Variants in CHKA observed in about 807,000 individuals in gnomAD.
The protein encoded by CHKA is choline kinase alpha.
Under a neutral mutation model 60.1 loss-of-function variants are expected in CHKA, and 34 were observed. The ratio of observed to expected loss-of-function variants is 0.57; its 90% confidence interval spans 0.43 to 0.75. CHKA has a LOEUF of 0.75. Ranked by LOEUF, CHKA falls within the 30% of genes least tolerant of loss-of-function variation. The pLI is 0.00. For missense variants in CHKA, 563 were observed against 561.3 expected (o/e 1.00, Z -0.03); for synonymous variants, 217 against 223.1 (o/e 0.97, Z 0.24).
chr11:68,061,643 G>A lies in CHKA; in HGVS notation c.1314+310C>T, dbSNP rs545165362. The A allele has an allele frequency of 1.3e-5, 6 of 469,806 alleles. No individual in the cohort carries two copies. The East Asian group carries it at 2.9e-4, about 22-fold the overall frequency. The allele number at this position is 469,806 out of a possible 1,614,324, so 29.1% of individuals were successfully genotyped here. ...ACTGAGGTCAGAGCTGGACTTCGAG[G>A]GTGCAGATGCCTACATTCCCCATCA... On this transcript the variant is annotated intron_variant, in intron 11 of 11. Coordinates refer to ENST00000265689, the MANE Select transcript of CHKA (RefSeq NM_001277.3).
intron 1 of CHKA, among the ~76,000 whole-genome samples, chr11:68,107,387 G>A (rs1328457567): frequency 3.3e-5 from 5 of 151,850 alleles, no homozygotes; most frequent in African/African-American, 1.2e-4. Context: ...AAACCAATTT[G>A]TTCTCTAACT....
At chr11:68,092,352 C>T (rs926097840) in intron 2 of CHKA, among the ~76,000 whole-genome samples, 1 of 152,128 alleles carries the variant, frequency 6.6e-6, no homozygotes, top group Admixed American at 6.5e-5. Flanking sequence ...TCATTGTAGA[C>T]CATAAATATC....
rs1590894618 is a variant in CHKA, at chr11:68,121,378, C to T, written c.-201G>A. The T allele has an allele frequency of 1.0e-5, 2 of 192,202 alleles. No homozygotes were observed. The highest frequency in any genetic ancestry group is 1.8e-4 in the East Asian group (1 of 5,696). The allele number at this position is 192,202 out of a possible 1,614,324, so 11.9% of individuals were successfully genotyped here. A position where few individuals can be genotyped will look rare whatever the true frequency, so the allele number is the denominator to read the frequency against. On this transcript the variant is annotated 5_prime_UTR_variant, in exon 1 of 12. The change creates a new upstream start codon in the 5' untranslated region. Transcript: ENST00000265689. Reference sequence around the variant, plus strand: ...CGGGGATGTGCTGCTGGCCGCTGCACTCGCTCCTCTGCCGCCGCCGCACGA... The same window carrying T: ...CGGGGATGTGCTGCTGGCCGCTGCATTCGCTCCTCTGCCGCCGCCGCACGA...
At position 68,074,697 on chromosome 11, in the gene CHKA, C is replaced by T. The variant is rs777921056; in HGVS notation, c.630+20G>A. On this transcript the variant is annotated intron_variant, in intron 4 of 11. Transcript: ENST00000265689. The stretch of plus-strand genomic sequence containing the variant: ...CTGTCTGTGGCATATGTCAACTAAG[C>T]GTTTATGAACAAATCTTACCGGGAT... The T allele has an allele frequency of 5.0e-6, 8 of 1,606,770 alleles. No individual in the cohort carries two copies. The highest frequency in any genetic ancestry group is 2.7e-5 in the African/African-American group (2 of 74,786).
chr11:68,059,896 C>A (rs1459824984), intron 11 of CHKA, among the ~76,000 whole-genome samples: 1 of 152,188 alleles, frequency 6.6e-6, no homozygotes, highest in Non-Finnish European at 1.5e-5. Flanking sequence ...TGAGGCCAGG[C>A]TGGCAGGGAG....
chr11:68,059,793 T>C (rs1669569246), intron 11 of CHKA, among the ~76,000 whole-genome samples: 1 of 152,244 alleles, frequency 6.6e-6, no homozygotes, highest in Non-Finnish European at 1.5e-5. Context: ...ACCTGTCTGA[T>C]GGGCCAGCAT....
intron 1 of CHKA, among the ~76,000 whole-genome samples, chr11:68,098,799 T>G (rs1166050286): frequency 6.6e-6 from 1 of 152,114 alleles, no homozygotes; most frequent in Non-Finnish European, 1.5e-5. Context: ...GTTCAAGCGA[T>G]TCTCCTGCCT....
intron 2 of CHKA, among the ~76,000 whole-genome samples, chr11:68,084,956 A>G (rs1857133525): frequency 6.6e-6 from 1 of 152,180 alleles, no homozygotes; most frequent in Non-Finnish European, 1.5e-5. Context: ...GAATGTCTCA[A>G]TTATGCCTAA....
chr11:68,104,033 T>C (rs931434346), intron 1 of CHKA, among the ~76,000 whole-genome samples: 4 of 152,146 alleles, frequency 2.6e-5, no homozygotes, highest in African/African-American at 7.2e-5. Context: ...TACACTCTCA[T>C]GTATATTGCA....
At chr11:68,097,635 C>CAAAAA (rs386374052) in intron 1 of CHKA, among the ~76,000 whole-genome samples, 1 of 111,874 alleles carries the variant, frequency 8.9e-6, no homozygotes, top group Non-Finnish European at 1.8e-5. Flanking sequence ...GACTCCGTCT[C>CAAAAA]AAAAAAAAAA....
At chr11:68,057,059 C>T (rs543809778) in intron 11 of CHKA, among the ~76,000 whole-genome samples, 81 of 152,222 alleles carry the variant, frequency 5.3e-4, no homozygotes, top group Non-Finnish European at 9.3e-4. Context: ...TCTGTCCCCA[C>T]GTAGACAGTG....
intron 2 of CHKA, among the ~76,000 whole-genome samples, chr11:68,088,458 CA>C (rs920739077): frequency 2.8e-4 from 43 of 152,150 alleles, no homozygotes; most frequent in African/African-American, 1.0e-3. Flanking sequence ...ATTTTTAATA[CA>C]GGGGTGGCAT....
intron 1 of CHKA, among the ~76,000 whole-genome samples, chr11:68,116,610 G>A (rs865957865): frequency 7.2e-5 from 11 of 151,916 alleles, no homozygotes; most frequent in Non-Finnish European, 1.5e-4. Context: ...CCAGCTACTC[G>A]GGAGGCCGAG....
At position 68,070,275 on chromosome 11, in the gene CHKA, C is replaced by T. The variant is rs776043184; in HGVS notation, c.783G>A (p.Leu261=). Residue 261 remains leucine (L), a synonymous_variant, in exon 6 of 12, where the codon CTG becomes CTA. Transcript: ENST00000265689. ...GTMEKYLKEV[L]RIKFTEESRI... ...TGGATTCCTCAGTAAATTTAATTCT[C>T]AGCACTTCCTTTAGATACCTATTAA... 2.5e-6 allele frequency: 4 copies of T among 1,612,930 alleles called. No individual in the cohort carries two copies. Among genetic ancestry groups the T allele is most frequent in the Non-Finnish European group, 2.5e-6 (3 of 1,178,944 alleles).
At chr11:68,090,614 T>C (rs1396686446) in intron 2 of CHKA, among the ~76,000 whole-genome samples, 1 of 152,262 alleles carries the variant, frequency 6.6e-6, no homozygotes, top group Non-Finnish European at 1.5e-5. Flanking sequence ...GGAAGACATT[T>C]GTTTTCTAGA....
chr11:68,070,237 AG>A lies in CHKA; in HGVS notation c.820del (p.Leu274SerfsTer16). On this transcript the variant is annotated frameshift_variant, in exon 6 of 12. Transcript: ENST00000265689. LOFTEE classifies it high-confidence loss of function. ...KFTEESRIKK[L>X]HKLLSYNLPL... ...CAGATTGTAACTGAGCAATTTGTGG[AG>A]CTTTTTAATTCTGGATTCCTCAGTA... 1 of 1,614,152 alleles carries A rather than the reference AG, an allele frequency of 6.2e-7. No individual in the cohort carries two copies. Among genetic ancestry groups the A allele is most frequent in the Non-Finnish European group, 8.5e-7 (1 of 1,179,990 alleles).
chr11:68,054,208 C>A (rs1590824263), intron 11 of CHKA, among the ~76,000 whole-genome samples, 161 bp from the exon 12 acceptor site: 1 of 152,324 alleles, frequency 6.6e-6, no homozygotes, highest in South Asian at 2.1e-4. Context: ...GGGGGCCTCG[C>A]TGCTCTACAG....
At chr11:68,110,351 A>G (rs952656003) in intron 1 of CHKA, among the ~76,000 whole-genome samples, 1 of 152,216 alleles carries the variant, frequency 6.6e-6, no homozygotes, top group Non-Finnish European at 1.5e-5. Context: ...TATGTAGAAA[A>G]TCAGAAAGAA....
At chr11:68,058,400 A>G (rs142627815) in intron 11 of CHKA, among the ~76,000 whole-genome samples, 22 of 152,352 alleles carry the variant, frequency 1.4e-4, no homozygotes, top group Admixed American at 1.3e-3. Context: ...TGGGGAATGT[A>G]CAGGTCAGTG....
Sources: allele counts gnomAD v4.1 joint callset (sites outside exome capture counted in the v4.1 genomes callset), GRCh38; gene constraint gnomAD v4.1.1; transcripts MANE v1.5; gene names NCBI Gene and HGNC (gene_info 2026-07-23, HGNC 2026-07-21).